Variants in PPP6R3 observed in about 807,000 individuals in gnomAD.
PPP6R3 encodes the protein protein phosphatase 6 regulatory subunit 3.
A neutral mutation model predicts 110.7 loss-of-function variants in PPP6R3; 38 were observed. The observed-to-expected ratio is 0.34, with a 90% CI of 0.26 to 0.45. The LOEUF (loss-of-function observed/expected upper bound fraction) is 0.45. Ranked by LOEUF, PPP6R3 falls within the 20% of genes least tolerant of loss-of-function variation. The pLI, the probability that PPP6R3 is intolerant of heterozygous loss-of-function variation, is 1.00. For missense variants in PPP6R3, 870 were observed against 1,062.4 expected (o/e 0.82, Z 2.52); for synonymous variants, 369 against 373.5 (o/e 0.99, Z 0.14).
chr11:68,461,123 C>CGGCG (rs1042502932), intron 1 of PPP6R3, among the ~76,000 whole-genome samples: 6 of 150,536 alleles, frequency 4.0e-5, no homozygotes, highest in African/African-American at 7.3e-5. Context: ...CGGCCTGGCG[C>CGGCG]GGCGGGCGGG....
At chr11:68,467,703 CA>C (rs976213792) in intron 1 of PPP6R3, among the ~76,000 whole-genome samples, 2 of 152,340 alleles carry the variant, frequency 1.3e-5, no homozygotes, top group South Asian at 4.1e-4. Context: ...CTAGTCTTGA[CA>C]ATTGACTGAG....
Position 68,474,179 on chromosome 11 carries a change from G to T in PPP6R3, c.-158+13352G>T, listed in dbSNP as rs2098812034. Among the ~76,000 whole-genome samples, 3 of 152,004 alleles carry T rather than the reference G, an allele frequency of 2.0e-5. No homozygotes were observed. In the Middle Eastern group the frequency reaches 0.01, roughly 521 times the overall value. ...CTCGCTTCAGCCTCCCGAGTAGCTG[G>T]GACTACAAGCACACACCACCATGCC... On this transcript the variant is annotated intron_variant, in intron 1 of 23. Transcript: ENST00000393800.
intron 19 of PPP6R3, among the ~76,000 whole-genome samples, chr11:68,599,214 A>G (rs2099623099): frequency 6.6e-6 from 1 of 152,248 alleles, no homozygotes. Context: ...TCCCTGATGG[A>G]ATGCAGTGGT....
chr11:68,611,650 T>TGGTC (rs1278021189), intron 23 of PPP6R3, among the ~76,000 whole-genome samples: 1 of 151,850 alleles, frequency 6.6e-6, no homozygotes, highest in Non-Finnish European at 1.5e-5. Flanking sequence ...GGACACCCAG[T>TGGTC]GGTCTCGGGG....
Position 68,548,221 on chromosome 11 carries a change from C to A in PPP6R3, c.552+17C>A. ...GTGCTGAATGTGAGTAGAATTCTGA[C>A]CTGCTGTTGACTGGGGTTAGGGTGC... On this transcript the variant is annotated intron_variant, in intron 5 of 23. Coordinates refer to ENST00000393800, the MANE Select transcript of PPP6R3 (RefSeq NM_001164161.2). The A allele has an allele frequency of 6.2e-7, 1 of 1,613,242 alleles. No homozygotes were observed. The highest frequency in any genetic ancestry group is 8.5e-7 in the Non-Finnish European group (1 of 1,179,582).
chr11:68,562,879 CAG>C (rs1212720798), intron 8 of PPP6R3, among the ~76,000 whole-genome samples: 1 of 152,096 alleles, frequency 6.6e-6, no homozygotes, highest in African/African-American at 2.4e-5. Flanking sequence ...ATTCATAAAA[CAG>C]AAGTTGATAA....
chr11:68,554,895 A>G (rs996455474), intron 7 of PPP6R3, among the ~76,000 whole-genome samples: 4 of 152,198 alleles, frequency 2.6e-5, no homozygotes, highest in African/African-American at 7.2e-5. Context: ...ACTAATGGCA[A>G]TCTTGCTTCG....
chr11:68,463,161 G>A (rs768132600), intron 1 of PPP6R3, among the ~76,000 whole-genome samples: 3 of 151,990 alleles, frequency 2.0e-5, no homozygotes, highest in Non-Finnish European at 4.4e-5. Flanking sequence ...ATCACTTAAG[G>A]TCAGGAGTTC....
At chr11:68,489,769 A>G (rs1246272982) in intron 1 of PPP6R3, among the ~76,000 whole-genome samples, 1 of 151,862 alleles carries the variant, frequency 6.6e-6, no homozygotes, top group Admixed American at 6.6e-5. Context: ...TAATGTTTGC[A>G]TATGGGAAAC....
At chr11:68,526,222 A>G (rs1364476996) in intron 2 of PPP6R3, among the ~76,000 whole-genome samples, 1 of 151,856 alleles carries the variant, frequency 6.6e-6, no homozygotes, top group Non-Finnish European at 1.5e-5. Context: ...TCTAGGGCCT[A>G]TGAGAATTTA....
chr11:68,614,310 ACAT>A lies in PPP6R3; in HGVS notation c.*1196_*1198del. 1 of 1,059,680 alleles carries A rather than the reference ACAT, an allele frequency of 9.4e-7. No homozygotes were observed. Among genetic ancestry groups the A allele is most frequent in the Non-Finnish European group, 1.1e-6 (1 of 877,028 alleles). 65.6% of individuals were successfully genotyped at this position (1,059,680 alleles called of 1,614,324 possible). ...TAATTTTCTATGTCAATACAAAAAT[ACAT>A]CACAGCCTTCTCAAACAGCTCAAGC... is the stretch of plus-strand genomic sequence containing the variant. On this transcript the variant is annotated 3_prime_UTR_variant, in exon 24 of 24. Transcript: ENST00000393800.
intron 3 of PPP6R3, among the ~76,000 whole-genome samples, chr11:68,539,973 AATGTGCTC>A (rs1192219863): frequency 2.0e-5 from 3 of 152,208 alleles, no homozygotes; most frequent in Non-Finnish European, 4.4e-5. Context: ...TGGAAGCACT[AATGTGCTC>A]ATGTGCTTGG....
intron 1 of PPP6R3, among the ~76,000 whole-genome samples, chr11:68,484,953 T>C (rs1397891012): frequency 6.6e-6 from 1 of 152,192 alleles, no homozygotes; most frequent in Admixed American, 6.5e-5. Context: ...CAGGATTGCA[T>C]TGAATCTGTA....
chr11:68,594,632 T>TTA (rs1049630135), intron 18 of PPP6R3, among the ~76,000 whole-genome samples: 3 of 152,204 alleles, frequency 2.0e-5, no homozygotes, highest in African/African-American at 7.2e-5. Context: ...AGACTCAGTA[T>TTA]TATAATACTA....
chr11:68,589,687 A>C (rs1012757856), intron 16 of PPP6R3, among the ~76,000 whole-genome samples: 1 of 152,226 alleles, frequency 6.6e-6, no homozygotes, highest in African/African-American at 2.4e-5. Context: ...CTTTGGAAGC[A>C]GTAAATTCTC....
rs1383104810 is a variant in PPP6R3 at position 68,508,538 on chromosome 11, ACTTGC to A, written c.-157-10962_-157-10958del. 5.0e-4 allele frequency among the ~76,000 whole-genome samples: 76 copies of A among 152,328 alleles called. No individual in the cohort carries two copies. The South Asian group carries it at 0.014, about 29-fold the overall frequency. The stretch of plus-strand genomic sequence containing the variant: ...GATGATAATAATAGGATGGAAAAGT[ACTTGC>A]ACAGTGCCAGCGCAAAAGGTTTGTA... On this transcript the variant is annotated intron_variant, in intron 1 of 23. Coordinates refer to ENST00000393800, the MANE Select transcript of PPP6R3 (RefSeq NM_001164161.2).
At chr11:68,571,349 C>T in intron 12 of PPP6R3, 1 of 434,538 alleles carries the variant, frequency 2.3e-6, no homozygotes, top group Non-Finnish European at 3.9e-6. Flanking sequence ...CTCTGTGCTG[C>T]CTTTGAAACT....
At chr11:68,584,143 C>A (rs544358462) in intron 15 of PPP6R3, among the ~76,000 whole-genome samples, 6 of 152,358 alleles carry the variant, frequency 3.9e-5, no homozygotes, top group African/African-American at 1.4e-4. Context: ...CTTGACACTT[C>A]TGCCTTTGAC....
chr11:68,464,044 C>G (rs1307775020), intron 1 of PPP6R3, among the ~76,000 whole-genome samples: 1 of 152,152 alleles, frequency 6.6e-6, no homozygotes, highest in Non-Finnish European at 1.5e-5. Context: ...TGAGACTGGC[C>G]TACATTAGAA....
Sources: gnomAD v4.1 joint callset for allele counts (sites outside exome capture counted in the v4.1 genomes callset) on GRCh38, gnomAD v4.1.1 for gene constraint, MANE v1.5 for transcripts, NCBI Gene and HGNC (gene_info 2026-07-23, HGNC 2026-07-21) for gene names.